The following CUL2 variants were observed in gnomAD, a reference collection of about 807,000 sequenced individuals.
CUL2 encodes cullin 2.
CUL2 carries 22 observed loss-of-function variants against 110.2 expected under a neutral mutation model. The observed-to-expected ratio is 0.20, with a 90% CI of 0.14 to 0.28. The LOEUF is 0.28. Ranked by LOEUF, CUL2 falls within the 10% of genes least tolerant of loss-of-function variation. The pLI is 1.00. For synonymous variants in CUL2, 279 were observed against 293.2 expected (o/e 0.95, Z 0.49); for missense variants, 631 against 905.5 (o/e 0.70, Z 3.89).
At chr10:35,012,116 C>G (rs2084918390) in intron 19 of CUL2, 152 bp from the exon 20 acceptor site, 3 of 574,178 alleles carry the variant, frequency 5.2e-6, no homozygotes, top group Non-Finnish European at 9.2e-6. Flanking sequence ...TTCAGTGACT[C>G]GCTCTCAGCT....
At chr10:35,088,181 T>A (rs113877697) in intron 1 of CUL2, among the ~76,000 whole-genome samples, 3,954 of 152,130 alleles carry the variant, frequency 0.026, 170 homozygotes, top group African/African-American at 0.091. Flanking sequence ...TGTCTCTCCA[T>A]CCCAAGCCAG....
intron 1 of CUL2, among the ~76,000 whole-genome samples, chr10:35,122,296 A>G (rs1183724915): frequency 6.6e-6 from 1 of 152,232 alleles, no homozygotes; most frequent in Non-Finnish European, 1.5e-5. Context: ...AAAATGCTAA[A>G]TCTTGAGATC....
At chr10:35,116,219 T>C (rs1589071242) in intron 1 of CUL2, among the ~76,000 whole-genome samples, 1 of 152,062 alleles carries the variant, frequency 6.6e-6, no homozygotes, top group Non-Finnish European at 1.5e-5. Context: ...GGCAGGCGCC[T>C]GTAATCCCAG....
chr10:35,115,433 G>A (rs538023587), intron 1 of CUL2, among the ~76,000 whole-genome samples: 20 of 151,866 alleles, frequency 1.3e-4, no homozygotes, highest in Middle Eastern at 3.4e-3. Flanking sequence ...GCTGGCAGGC[G>A]CCTGTAATCC....
At chr10:35,123,893 A>G (rs760128946) in intron 1 of CUL2, among the ~76,000 whole-genome samples, 9 of 152,240 alleles carry the variant, frequency 5.9e-5, no homozygotes, top group Non-Finnish European at 8.8e-5. Context: ...GTATGATTAG[A>G]TAACTAAAGA....
chr10:35,043,854 T>C (rs919713728), intron 8 of CUL2, among the ~76,000 whole-genome samples: 1 of 151,858 alleles, frequency 6.6e-6, no homozygotes, highest in African/African-American at 2.4e-5. Context: ...ACTGCTCAAG[T>C]TGAGGAGTTC....
rs1394990951 is a variant in CUL2, at chr10:35,103,332, T to A, written c.-50-2272A>T. Among the ~76,000 whole-genome samples, 108 of 77,878 alleles carry A rather than the reference T, an allele frequency of 1.4e-3. 1 individual carries two copies. The highest frequency in any genetic ancestry group is 1.8e-3 in the Non-Finnish European group (60 of 32,584). The allele number at this position is 77,878 out of a possible 152,430, so 51.1% of individuals were successfully genotyped here. A position where few individuals can be genotyped will look rare whatever the true frequency, so the allele number is the denominator to read the frequency against. The stretch of plus-strand genomic sequence containing the variant: ...AATTTTTTTTTTTTTTTTTTTTTTT[T>A]ATTTTTTTTTGAGACGGAGTTTCGC... On this transcript the variant is annotated intron_variant, in intron 1 of 5. Transcript: ENST00000685421.
intron 8 of CUL2, among the ~76,000 whole-genome samples, chr10:35,041,010 C>A (rs1182849200): frequency 6.6e-6 from 1 of 152,086 alleles, no homozygotes; most frequent in Non-Finnish European, 1.5e-5. Flanking sequence ...TGGTCCTCCC[C>A]AGTTCCTAAC....
At chr10:35,076,306 A>C (rs552566327) in intron 1 of CUL2, among the ~76,000 whole-genome samples, 1 of 152,278 alleles carries the variant, frequency 6.6e-6, no homozygotes, top group East Asian at 1.9e-4. Flanking sequence ...AGGGTGAGGA[A>C]AATGCTCTAA....
intron 6 of CUL2, among the ~76,000 whole-genome samples, chr10:35,047,798 G>A (rs767092472): frequency 2.0e-4 from 30 of 151,868 alleles, no homozygotes; most frequent in Non-Finnish European, 4.0e-4. Context: ...CCAGCTACTC[G>A]GGAGGCTGAG....
chr10:35,032,803 T>C (rs139152262), intron 11 of CUL2, among the ~76,000 whole-genome samples: 42 of 152,258 alleles, frequency 2.8e-4, no homozygotes, highest in African/African-American at 9.1e-4. Context: ...CTTTAACGTA[T>C]GCAAAAGTTC....
chr10:35,050,214 G>A (rs1040476259), intron 5 of CUL2, among the ~76,000 whole-genome samples: 6 of 151,932 alleles, frequency 3.9e-5, no homozygotes, highest in African/African-American at 1.2e-4. Context: ...CCAGCTACTC[G>A]GGAGGCTGAG....
intron 17 of CUL2, among the ~76,000 whole-genome samples, chr10:35,017,041 A>C (rs926811406): frequency 3.3e-5 from 5 of 152,126 alleles, no homozygotes; most frequent in African/African-American, 7.2e-5. Context: ...TGGGAGAAGG[A>C]GAAATGGACA....
chr10:35,062,603 C>A (rs11010083), intron 3 of CUL2, among the ~76,000 whole-genome samples: 2 of 150,876 alleles, frequency 1.3e-5, no homozygotes, highest in Admixed American at 6.6e-5. Context: ...AGGCCAAGGC[C>A]GGAGGATCAC....
intron 2 of CUL2, among the ~76,000 whole-genome samples, chr10:35,065,740 T>C (rs1249870689): frequency 1.3e-5 from 2 of 152,108 alleles, no homozygotes; most frequent in East Asian, 1.9e-4. Context: ...ATGCCTGTAA[T>C]GCCAGCTACT....
chr10:35,042,438 G>A (rs11010078), intron 8 of CUL2, among the ~76,000 whole-genome samples: 1 of 152,136 alleles, frequency 6.6e-6, no homozygotes, highest in Non-Finnish European at 1.5e-5. Flanking sequence ...ACAGTCTTTA[G>A]TTATAATGTT....
intron 1 of CUL2, among the ~76,000 whole-genome samples, chr10:35,073,482 T>C (rs1394327492): frequency 6.6e-6 from 1 of 152,156 alleles, no homozygotes; most frequent in Non-Finnish European, 1.5e-5. Flanking sequence ...ACATTGTGTA[T>C]ACTGCAAGCC....
chr10:35,068,863 A>G (rs963965594), intron 2 of CUL2, among the ~76,000 whole-genome samples: 4 of 151,960 alleles, frequency 2.6e-5, no homozygotes, highest in African/African-American at 9.7e-5. Flanking sequence ...TTAGTAGCAT[A>G]GTCTTTTATT....
At chr10:35,108,442 T>C (rs1352795871) in intron 1 of CUL2, among the ~76,000 whole-genome samples, 9 of 146,912 alleles carry the variant, frequency 6.1e-5, no homozygotes, top group Admixed American at 5.5e-4. Flanking sequence ...GGGCGACAGT[T>C]AGACCCTGAC....
Sources: gnomAD v4.1 joint callset for allele counts (sites outside exome capture counted in the v4.1 genomes callset) on GRCh38, gnomAD v4.1.1 for gene constraint, MANE v1.5 for transcripts, NCBI Gene and HGNC (gene_info 2026-07-23, HGNC 2026-07-21) for gene names.